Variants in EPB41L1 observed in about 807,000 individuals in gnomAD.
EPB41L1 encodes the protein erythrocyte membrane protein band 4.1 like 1, also known as band 4.1-like protein 1.
EPB41L1 carries 29 observed loss-of-function variants against 97.8 expected under a neutral mutation model. That is an observed-to-expected ratio of 0.30 (90% CI 0.22 to 0.40). The LOEUF (loss-of-function observed/expected upper bound fraction) is 0.40. Among genes scored for constraint, EPB41L1 ranks in the 10% least tolerant of loss-of-function variants. The probability of loss-of-function intolerance (pLI) is 1.00; values close to 1 mark genes in which losing one functional copy is unlikely to be tolerated. For missense variants in EPB41L1, 812 were observed against 1,162.3 expected, an observed-to-expected ratio of 0.70 and a Z score of 4.38; for synonymous variants, 383 against 459.2, an observed-to-expected ratio of 0.83 and a Z score of 2.12.
At chr20:36,192,638 T>G (rs1419147944) in intron 11 of EPB41L1, among the ~76,000 whole-genome samples, 1 of 152,068 alleles carries the variant, frequency 6.6e-6, no homozygotes, top group Non-Finnish European at 1.5e-5. Flanking sequence ...TTAGTTCTAC[T>G]TATATTTTCT....
chr20:36,194,125 G>A, intron 11 of EPB41L1, 87 bp from the exon 12 acceptor site: 1 of 1,574,242 alleles, frequency 6.4e-7, no homozygotes, highest in Admixed American at 1.7e-5. Flanking sequence ...TCCACTCCAG[G>A]CGTGGTTGGG....
At chr20:36,141,404 T>C (rs1569114488) in intron 2 of EPB41L1, among the ~76,000 whole-genome samples, 1 of 152,162 alleles carries the variant, frequency 6.6e-6, no homozygotes, top group Non-Finnish European at 1.5e-5. Context: ...TATGCATGAA[T>C]AGGGAGCCCT....
rs147244895 is a variant in EPB41L1 at position 36,123,854 on chromosome 20, C to T, written c.-10+11374C>T. On this transcript the variant is annotated intron_variant, in intron 2 of 19. Transcript: ENST00000202028. Reference sequence around the variant, plus strand: ...AAAAAGGGAATTAACATTCAGTGAGCACCTATGTGCCAGTGCTATGCCAAT... The same window carrying T: ...AAAAAGGGAATTAACATTCAGTGAGTACCTATGTGCCAGTGCTATGCCAAT... 1.1e-4 allele frequency among the ~76,000 whole-genome samples: 16 copies of T among 152,352 alleles called. No individual in the cohort carries two copies. The East Asian group carries it at 3.1e-3, about 29-fold the overall frequency.
chr20:36,174,366 G>A (rs1465878573), intron 2 of EPB41L1, among the ~76,000 whole-genome samples: 4 of 151,714 alleles, frequency 2.6e-5, no homozygotes, highest in Admixed American at 6.6e-5. Flanking sequence ...TCTGCCGCCC[G>A]GGTTCAAGCA....
rs566591306 is a variant in EPB41L1 at position 36,216,940 on chromosome 20, A to G, written c.2269-1936A>G. On this transcript the variant is annotated intron_variant, in intron 17 of 21. Coordinates refer to ENST00000338074, the MANE Select transcript of EPB41L1 (RefSeq NM_012156.2). ...AGCTCGTGACACCGTTCACTAGCCA[A>G]TGGTTCTCAAAATGTGGTTCCAGGA... Among the ~76,000 whole-genome samples the G allele has an allele frequency of 9.8e-5, 15 of 152,292 alleles. No homozygotes were observed. The South Asian group carries it at 1.9e-3, about 19-fold the overall frequency.
chr20:36,141,202 C>T (rs2059625589), intron 2 of EPB41L1, among the ~76,000 whole-genome samples: 1 of 152,178 alleles, frequency 6.6e-6, no homozygotes, highest in African/African-American at 2.4e-5. Flanking sequence ...TGACCTTTGG[C>T]AAGTGTTGTG....
Position 36,209,539 on chromosome 20 carries a change from C to T in EPB41L1, c.1720C>T (p.Arg574Trp), listed in dbSNP as rs762915616. The change falls in exon 15 of 22, where the codon CGG (arginine) becomes TGG (tryptophan). Residue 574 changes from arginine (R) to tryptophan (W), a missense_variant. Physicochemically the swap from Arg to Trp is moderately radical, Grantham distance 101. Around this residue, in one of 3 missense-constraint regions of EPB41L1, gnomAD observed 498 missense variants for 622.7 expected, o/e 0.80. Coordinates refer to ENST00000338074, the MANE Select transcript of EPB41L1 (RefSeq NM_012156.2). This position sits in a 1 kb window ranked among gnomAD's most constrained non-coding sequence, Gnocchi z 4.2. The stretch of plus-strand genomic sequence containing the variant: ...GGAGAAAGTCAAACCACCACGTCCC[C>T]GGGCCCCAGAGAGTGACACAGGCGA... ...SEEKVKPPRP[R>W]APESDTGDED... 21 of 1,613,886 alleles carry T rather than the reference C, an allele frequency of 1.3e-5. No homozygotes were observed. The highest frequency in any genetic ancestry group is 5.3e-5 in the African/African-American group (4 of 74,884).
intron 13 of EPB41L1, 170 bp from the exon 14 acceptor site, chr20:36,197,689 C>G: frequency 4.1e-6 from 4 of 985,350 alleles, no homozygotes; most frequent in Non-Finnish European, 4.8e-6. Context: ...TGGGGTGGTT[C>G]TCCTTGCCCT....
Position 36,206,823 on chromosome 20 carries a change from T to C in EPB41L1, c.1669-2665T>C. ...CCCGAGAGGAAGGGACCCCCGTGAG[T>C]GGAGATTTGCTGGGAAAGGCTGAGG... is the stretch of plus-strand genomic sequence containing the variant. On this transcript the variant is annotated intron_variant, in intron 14 of 21. Transcript: ENST00000338074. This position sits in a 1 kb window ranked among gnomAD's most constrained non-coding sequence, Gnocchi z 5.5. The C allele has an allele frequency of 7.8e-7, 1 of 1,288,620 alleles. No homozygotes were observed. Among genetic ancestry groups the C allele is most frequent in the Non-Finnish European group, 1.0e-6 (1 of 988,486 alleles). 79.8% of individuals were successfully genotyped at this position (1,288,620 alleles called of 1,614,324 possible).
intron 1 of EPB41L1, among the ~76,000 whole-genome samples, chr20:36,158,257 C>T (rs2060391202): frequency 6.6e-6 from 1 of 152,200 alleles, no homozygotes; most frequent in South Asian, 2.1e-4. Flanking sequence ...TTGAAATAGT[C>T]ACTCAGTCAG....
rs775681176 is a variant in EPB41L1, at chr20:36,158,742, G to A, written c.-15+3846G>A. Among the ~76,000 whole-genome samples the A allele has an allele frequency of 5.1e-4, 78 of 152,200 alleles. 4 individuals are homozygous for A. The highest frequency in any genetic ancestry group is 1.6e-4 in the Non-Finnish European group (11 of 68,036). ...TCATTCGTAAAATGCAGATAAACAT[G>A]CCTGTCTCACAGGGACCATGTTGTG... On this transcript the variant is annotated intron_variant, in intron 1 of 21. Transcript: ENST00000338074.
At chr20:36,198,389 T>C (rs2062321816) in intron 14 of EPB41L1, among the ~76,000 whole-genome samples, 1 of 152,250 alleles carries the variant, frequency 6.6e-6, no homozygotes. Context: ...GACTCAGTGC[T>C]GGCATCGGCA....
intron 1 of EPB41L1, among the ~76,000 whole-genome samples, chr20:36,095,909 C>T (rs1266473398): frequency 6.6e-6 from 1 of 152,012 alleles, no homozygotes; most frequent in Non-Finnish European, 1.5e-5. Flanking sequence ...GCCTGTAATC[C>T]CAGCTACTAA....
chr20:36,172,196 A>G (rs1170478606), intron 1 of EPB41L1, among the ~76,000 whole-genome samples: 1 of 152,114 alleles, frequency 6.6e-6, no homozygotes, highest in African/African-American at 2.4e-5. Flanking sequence ...CTCCTGCTTC[A>G]GCCTCCCCAG....
At chr20:36,173,078 C>A (rs546232283) in intron 1 of EPB41L1, among the ~76,000 whole-genome samples, 1 of 152,212 alleles carries the variant, frequency 6.6e-6, no homozygotes, top group Admixed American at 6.5e-5. Flanking sequence ...AAGCATTTCT[C>A]TACGTTGCTC....
chr20:36,212,194 C>A lies in EPB41L1; in HGVS notation c.2080-78C>A. Reference sequence around the variant, plus strand: ...GTGGGGATAGGAGATAGCCTGCAGACACCACACTGCAATTGTCTGTGAGCA... The same window carrying A: ...GTGGGGATAGGAGATAGCCTGCAGAAACCACACTGCAATTGTCTGTGAGCA... On this transcript the variant is annotated intron_variant, in intron 15 of 21. Coordinates refer to ENST00000338074, the MANE Select transcript of EPB41L1 (RefSeq NM_012156.2). The surrounding 1 kb of genome is among the most constrained non-coding windows in gnomAD (Gnocchi z 4.8). 7.3e-7 allele frequency: 1 copy of A among 1,362,158 alleles called. No homozygotes were observed. Among genetic ancestry groups the A allele is most frequent in the Non-Finnish European group, 1.0e-6 (1 of 952,416 alleles). The allele number at this position is 1,362,158 out of a possible 1,614,324, so 84.4% of individuals were successfully genotyped here.
intron 2 of EPB41L1, among the ~76,000 whole-genome samples, chr20:36,143,392 G>C (rs1174965146): frequency 1.3e-5 from 2 of 152,028 alleles, no homozygotes; most frequent in African/African-American, 4.8e-5. Context: ...TGGAGAGGGT[G>C]ACTTCAGAGG....
At chr20:36,139,349 A>T (rs1277781053) in intron 2 of EPB41L1, among the ~76,000 whole-genome samples, 2 of 152,190 alleles carry the variant, frequency 1.3e-5, no homozygotes, top group Non-Finnish European at 2.9e-5. Flanking sequence ...ATATTCCTAA[A>T]TTTGTTTCGA....
chr20:36,107,736 G>A (rs141434180), intron 1 of EPB41L1, among the ~76,000 whole-genome samples: 7,471 of 151,706 alleles, frequency 0.049, 231 homozygotes, highest in African/African-American at 0.083. Context: ...GGCTGAGGCA[G>A]GAGAATTGCT....
Sources: allele counts gnomAD v4.1 joint callset (sites outside exome capture counted in the v4.1 genomes callset), GRCh38; gene constraint gnomAD v4.1.1; regional missense constraint gnomAD v4.1.1; non-coding constraint Gnocchi (gnomAD v3.1); transcripts MANE v1.5; gene names NCBI Gene and HGNC (gene_info 2026-07-23, HGNC 2026-07-21).